Variants in MOB3C observed in about 807,000 individuals in gnomAD.
MOB3C encodes the protein MOB kinase activator 3C.
MOB3C carries 17 observed loss-of-function variants against 19.8 expected under a neutral mutation model. That is an observed-to-expected ratio of 0.86 (90% CI 0.59 to 1.29). The LOEUF (loss-of-function observed/expected upper bound fraction) is 1.29, where lower values mean the gene tolerates loss of function less well. Ranked by LOEUF, MOB3C falls within the 50% of genes most tolerant of loss-of-function variation. The pLI is 0.00. For synonymous variants in MOB3C, 101 were observed against 119.2 expected (o/e 0.85, Z 0.99); for missense variants, 291 against 301.9 (o/e 0.96, Z 0.27).
intron 1 of MOB3C, 81 bp from the exon 2 acceptor site, chr1:46,613,452 T>C: frequency 4.5e-6 from 6 of 1,323,136 alleles, no homozygotes; most frequent in Non-Finnish European, 6.2e-6. Context: ...ATCATTTCCC[T>C]GTCACCTCTC....
rs531129868 is a variant in MOB3C, at chr1:46,615,117, C to T, written c.-51+1594G>A. The T allele has an allele frequency of 8.2e-5, 125 of 1,517,026 alleles. No homozygotes were observed. The South Asian group carries it at 1.3e-3, about 16-fold the overall frequency. The allele number at this position is 1,517,026 out of a possible 1,614,324, so 94.0% of individuals were successfully genotyped here. A position where few individuals can be genotyped will look rare whatever the true frequency, so the allele number is the denominator to read the frequency against. ...TAAACTCTGCTTGGGGCAAGTGCTT[C>T]CAAAATCCCTCACACTGCAATTAGG... On this transcript the variant is annotated intron_variant, in intron 1 of 3. Transcript: ENST00000319928.
At position 46,610,251 on chromosome 1, in the gene MOB3C, A is replaced by T. The variant is rs905900994; in HGVS notation, c.419-47T>A. 10 of 1,595,262 alleles carry T rather than the reference A, an allele frequency of 6.3e-6. No individual in the cohort carries two copies. In the African/African-American group the frequency reaches 1.1e-4, roughly 17 times the overall value. Reference sequence around the variant, plus strand: ...AAGGGGATCAGTATCCTGGTGCCAAAGCTCTGCTCAACTTTTCCCTCCCAC... The same window carrying T: ...AAGGGGATCAGTATCCTGGTGCCAATGCTCTGCTCAACTTTTCCCTCCCAC... On this transcript the variant is annotated intron_variant, in intron 2 of 3. Transcript: ENST00000319928.
chr1:46,613,583 A>G lies in MOB3C; in HGVS notation c.-50-212T>C, dbSNP rs1037387432. 1.6e-5 allele frequency: 9 copies of G among 572,454 alleles called. No homozygotes were observed. In the East Asian group the frequency reaches 2.3e-4, roughly 15 times the overall value. The allele number at this position is 572,454 out of a possible 1,614,324, so 35.5% of individuals were successfully genotyped here. ...CTTGCTAAGCCCCCACAGTCCTCCC[A>G]TCTTGCTTTGTCTCTTTTCTGCTTT... On this transcript the variant is annotated intron_variant, in intron 1 of 3. Transcript: ENST00000319928.
At chr1:46,614,529 A>G (rs185527130) in intron 1 of MOB3C, 82 of 171,950 alleles carry the variant, frequency 4.8e-4, no homozygotes, top group African/African-American at 1.7e-3. Context: ...CCCTGCCCCT[A>G]GACTGAGCAC....
rs375302001 is a variant in MOB3C, at chr1:46,613,141, C to T, written c.181G>A (p.Ala61Thr). Reference protein sequence around the residue: ...PPGENIDDWIAVHVVDFFNRI... With the variant: ...PPGENIDDWITVHVVDFFNRI... ...TTGAAGAAGTCCACCACGTGCACGG[C>T]GATCCAGTCGTCGATGTTCTCCCCG... Residue 61 changes from alanine to threonine, a missense_variant, in exon 2 of 4, where the codon GCC becomes ACC. Coordinates refer to ENST00000319928, the MANE Select transcript of MOB3C (RefSeq NM_201403.3). The T allele has an allele frequency of 5.6e-6, 9 of 1,614,132 alleles. No individual in the cohort carries two copies. In the African/African-American group the frequency reaches 9.3e-5, roughly 17 times the overall value.
At position 46,610,167 on chromosome 1, in the gene MOB3C, G is replaced by C. The variant is rs1173532932; in HGVS notation, c.456C>G (p.Thr152=). The C allele has an allele frequency of 6.2e-7, 1 of 1,614,044 alleles. No individual in the cohort carries two copies. The highest frequency in any genetic ancestry group is 8.5e-7 in the Non-Finnish European group (1 of 1,180,014). The change falls in exon 3 of 4, where the codon ACC becomes ACG. Residue 152 remains threonine (T), a synonymous_variant. Coordinates refer to ENST00000319928, the MANE Select transcript of MOB3C (RefSeq NM_201403.3). ...CTCGGAAGAGGCGGGTCAGGATCTT[G>C]GTGCAGACCTGCTGGAAGTTCTTAG... ...PFPKNFQQVC[T]KILTRLFRVF...
At position 46,608,761 on chromosome 1, in the gene MOB3C, G is replaced by A. The variant is rs1675410122; in HGVS notation, c.*894C>T. On this transcript the variant is annotated 3_prime_UTR_variant, in exon 4 of 4. Coordinates refer to ENST00000319928, the MANE Select transcript of MOB3C (RefSeq NM_201403.3). This position sits in a 1 kb window ranked among gnomAD's most constrained non-coding sequence, Gnocchi z 4.5. ...GTGGAGTATATGATTCCCAGATGAA[G>A]GGCCAGGGGACCTTTGTGTACTTGA... The A allele has an allele frequency of 1.3e-5, 2 of 152,608 alleles. No individual in the cohort carries two copies. Among genetic ancestry groups the A allele is most frequent in the African/African-American group, 2.4e-5 (1 of 41,416 alleles). The allele number at this position is 152,608 out of a possible 1,614,324, so 9.5% of individuals were successfully genotyped here.
Position 46,608,590 on chromosome 1 carries a change from T to G in MOB3C, c.*1065A>C, listed in dbSNP as rs916856631. 1 of 152,628 alleles carries G rather than the reference T, an allele frequency of 6.6e-6. No individual in the cohort carries two copies. The highest frequency in any genetic ancestry group is 2.4e-5 in the African/African-American group (1 of 41,434). The allele number at this position is 152,628 out of a possible 1,614,324, so 9.5% of individuals were successfully genotyped here. A position where few individuals can be genotyped will look rare whatever the true frequency, so the allele number is the denominator to read the frequency against. Reference sequence around the variant, plus strand: ...GATCTCCATGCCTGGAAGAGTCCATTCACCAACTACATCCTCAATGTGCTG... The same window carrying G: ...GATCTCCATGCCTGGAAGAGTCCATGCACCAACTACATCCTCAATGTGCTG... On this transcript the variant is annotated 3_prime_UTR_variant, in exon 4 of 4. Coordinates refer to ENST00000319928, the MANE Select transcript of MOB3C (RefSeq NM_201403.3). The surrounding 1 kb of genome is among the most constrained non-coding windows in gnomAD (Gnocchi z 4.5).
At chr1:46,615,996 C>G (rs1044869842) in intron 1 of MOB3C, 1 of 152,356 alleles carries the variant, frequency 6.6e-6, no homozygotes, top group South Asian at 2.1e-4. Flanking sequence ...AGGGTTAACT[C>G]CCTTCACTCC....
intron 2 of MOB3C, among the ~76,000 whole-genome samples, 158 bp downstream of exon 2, chr1:46,612,746 C>T (rs1396113867): frequency 6.6e-6 from 1 of 152,046 alleles, no homozygotes; most frequent in Non-Finnish European, 1.5e-5. Flanking sequence ...AAATGCTTGA[C>T]CTTGAGCAAG....
At chr1:46,612,820 A>G in intron 2 of MOB3C, 84 bp downstream of exon 2, 1 of 1,363,678 alleles carries the variant, frequency 7.3e-7, no homozygotes. Flanking sequence ...TCAACCCCCA[A>G]CCCTGCAGAG....
At position 46,608,386 on chromosome 1, in the gene MOB3C, T is replaced by G. The variant is rs1336842646; in HGVS notation, c.*1269A>C. On this transcript the variant is annotated 3_prime_UTR_variant, in exon 4 of 4. Transcript: ENST00000319928. This position sits in a 1 kb window ranked among gnomAD's most constrained non-coding sequence, Gnocchi z 4.5. Reference sequence around the variant, plus strand: ...TGGAGGCTCTGGGAGGGCAGAACCCTGTTCCTGCCTCAGTTTCCCCACCTG... The same window carrying G: ...TGGAGGCTCTGGGAGGGCAGAACCCGGTTCCTGCCTCAGTTTCCCCACCTG... 1.3e-5 allele frequency: 2 copies of G among 152,418 alleles called. No individual in the cohort carries two copies. Among genetic ancestry groups the G allele is most frequent in the Non-Finnish European group, 2.9e-5 (2 of 68,092 alleles). The allele number at this position is 152,418 out of a possible 1,614,324, so 9.4% of individuals were successfully genotyped here. A position where few individuals can be genotyped will look rare whatever the true frequency, so the allele number is the denominator to read the frequency against.
At chr1:46,609,759 C>A in intron 3 of MOB3C, 75 bp from the exon 4 acceptor site, 1 of 1,578,120 alleles carries the variant, frequency 6.3e-7, no homozygotes, top group South Asian at 1.2e-5. Context: ...ACCATAGGGC[C>A]TAGCTGCTCT....
At chr1:46,609,885 A>T in intron 3 of MOB3C, 117 bp downstream of exon 3, 1 of 1,314,094 alleles carries the variant, frequency 7.6e-7, no homozygotes, top group East Asian at 2.3e-5. Flanking sequence ...TGTTAAATGA[A>T]TTGCCTTCCC....
rs1488395906 is a variant in MOB3C at position 46,609,986 on chromosome 1, T to C, written c.621+16A>G. ...GGCTAGCCTTGGTAGGGGAGGGTGG[T>C]AGGGCTTGGCCTCACCAGTGGCTCC... is the stretch of plus-strand genomic sequence containing the variant. On this transcript the variant is annotated intron_variant, in intron 3 of 3. Coordinates refer to ENST00000319928, the MANE Select transcript of MOB3C (RefSeq NM_201403.3). 6.2e-7 allele frequency: 1 copy of C among 1,613,886 alleles called. No homozygotes were observed. The highest frequency in any genetic ancestry group is 8.5e-7 in the Non-Finnish European group (1 of 1,179,862).
At position 46,612,943 on chromosome 1, in the gene MOB3C, C is replaced by G. The variant is rs1675493998; in HGVS notation, c.379G>C (p.Gly127Arg). 6.3e-7 allele frequency: 1 copy of G among 1,576,662 alleles called. No individual in the cohort carries two copies. The highest frequency in any genetic ancestry group is 1.3e-5 in the African/African-American group (1 of 74,076). Reference protein sequence around the residue: ...YMALLMDWIEGLINDEEVFPT... With the variant: ...YMALLMDWIERLINDEEVFPT... ...AAGACCTCTTCGTCGTTGATGAGGCCTTCGATCCAGTCCATGAGCAATGCC... is the reference window on the plus strand; with the variant it reads ...AAGACCTCTTCGTCGTTGATGAGGCGTTCGATCCAGTCCATGAGCAATGCC... The change falls in exon 2 of 4, where the codon GGC becomes CGC. Residue 127 changes from glycine (G) to arginine (R), a missense_variant. Transcript: ENST00000319928.
At position 46,613,224 on chromosome 1, in the gene MOB3C, T is replaced by G; in HGVS notation, c.98A>C (p.Lys33Thr). Reference sequence around the variant, plus strand: ...GCCCGACTTGAGAGAGGCCTGTGCCTTCTTGTACAGCTCAAAGCGCTGTGT... The same window carrying G: ...GCCCGACTTGAGAGAGGCCTGTGCCGTCTTGTACAGCTCAAAGCGCTGTGT... The part of the protein sequence containing the change: ...PGTQRFELYK[K>T]AQASLKSGLD... Residue 33 changes from lysine to threonine, a missense_variant, in exon 2 of 4, where the codon AAG (lysine) becomes ACG (threonine). By Grantham distance (78) the Lys-to-Thr change is moderately conservative. Transcript: ENST00000319928. The G allele has an allele frequency of 6.2e-7, 1 of 1,614,214 alleles. No individual in the cohort carries two copies.
At chr1:46,613,459 T>G (rs1675509180) in intron 1 of MOB3C, 88 bp from the exon 2 acceptor site, 1 of 1,284,830 alleles carries the variant, frequency 7.8e-7, no homozygotes. Context: ...CCCTGTCACC[T>G]CTCAGCCTTT....
At position 46,609,234 on chromosome 1, in the gene MOB3C, TCACACA is replaced by T. The variant is rs543977500; in HGVS notation, c.*415_*420del. 1 of 240,318 alleles carries T rather than the reference TCACACA, an allele frequency of 4.2e-6. No homozygotes were observed. 14.9% of individuals were successfully genotyped at this position (240,318 alleles called of 1,614,324 possible). On this transcript the variant is annotated 3_prime_UTR_variant, in exon 4 of 4. Coordinates refer to ENST00000319928, the MANE Select transcript of MOB3C (RefSeq NM_201403.3). Reference sequence around the variant, plus strand: ...TCACAGACACACCCCACAGTGAAAATCACACACACACACACACACCCCGGCATCTGT... The same window carrying T: ...TCACAGACACACCCCACAGTGAAAATCACACACACACACCCCGGCATCTGT...
Sources: allele counts gnomAD v4.1 joint callset (sites outside exome capture counted in the v4.1 genomes callset), GRCh38; gene constraint gnomAD v4.1.1; non-coding constraint Gnocchi (gnomAD v3.1); transcripts MANE v1.5; gene names NCBI Gene and HGNC (gene_info 2026-07-23, HGNC 2026-07-21).